The following SPAST variants were observed in gnomAD, a reference collection of about 807,000 sequenced individuals.
SPAST encodes spastic paraplegia 4 (autosomal dominant; spastin).
Under a neutral mutation model 76.6 loss-of-function variants are expected in SPAST, and 30 were observed. That is an observed-to-expected ratio of 0.39 (90% CI 0.29 to 0.53). SPAST has a LOEUF of 0.53. Among genes scored for constraint, SPAST ranks in the 20% least tolerant of loss-of-function variants. The pLI is 0.68. For missense variants in SPAST, 717 were observed against 770.5 expected, an observed-to-expected ratio of 0.93 and a Z score of 0.82; for synonymous variants, 305 against 281.0, an observed-to-expected ratio of 1.09 and a Z score of -0.86.
chr2:32,091,115 T>A (rs1677696977), intron 3 of SPAST, among the ~76,000 whole-genome samples: 1 of 152,014 alleles, frequency 6.6e-6, no homozygotes, highest in Non-Finnish European at 1.5e-5. Flanking sequence ...TGAGTGGCTC[T>A]ACCATACGTT....
At chr2:32,102,867 T>G (rs1418479507) in intron 4 of SPAST, among the ~76,000 whole-genome samples, 2 of 152,220 alleles carry the variant, frequency 1.3e-5, no homozygotes, top group African/African-American at 4.8e-5. Flanking sequence ...CTGGATTCGG[T>G]TTGCCAGTAT....
intron 9 of SPAST, among the ~76,000 whole-genome samples, chr2:32,132,445 TTCTA>T (rs1679400885): frequency 1.3e-5 from 2 of 152,088 alleles, no homozygotes; most frequent in Admixed American, 6.6e-5. Flanking sequence ...ATTTTGTCAG[TTCTA>T]TCTAATACAA....
intron 1 of SPAST, among the ~76,000 whole-genome samples, chr2:32,067,164 C>T (rs1676554507): frequency 6.6e-6 from 1 of 152,048 alleles, no homozygotes. Context: ...CGGATTCAAG[C>T]GATTCTCCTG....
intron 7 of SPAST, among the ~76,000 whole-genome samples, chr2:32,125,477 C>T (rs932627894): frequency 4.6e-5 from 7 of 152,206 alleles, no homozygotes; most frequent in African/African-American, 1.7e-4. Context: ...CCCGCCTCGG[C>T]CTCCCAAAGT....
At chr2:32,064,284 GAAGAA>G in intron 1 of SPAST, 38 bp downstream of exon 1, 10 of 588,928 alleles carry the variant, frequency 1.7e-5, no homozygotes, top group East Asian at 5.4e-5. Context: ...GCGGCGCCGG[GAAGAA>G]GGCGGTGGGG....
At chr2:32,138,737 G>C (rs140771666) in intron 12 of SPAST, among the ~76,000 whole-genome samples, 6 of 152,192 alleles carry the variant, frequency 3.9e-5, no homozygotes, top group Non-Finnish European at 8.8e-5. Context: ...TTCTTTCTGA[G>C]GCTGATGTCA....
chr2:32,111,616 T>C (rs534071396), intron 4 of SPAST, among the ~76,000 whole-genome samples: 1 of 151,430 alleles, frequency 6.6e-6, no homozygotes, highest in Non-Finnish European at 1.5e-5. Flanking sequence ...CCACAGGTTT[T>C]CTGATCTTTT....
intron 15 of SPAST, among the ~76,000 whole-genome samples, chr2:32,145,611 T>A (rs1255498877): frequency 6.6e-6 from 1 of 152,156 alleles, no homozygotes; most frequent in East Asian, 1.9e-4. Context: ...GAAATTAATG[T>A]GTCTAAAGGA....
At chr2:32,146,849 C>G (rs1469245035) in intron 15 of SPAST, among the ~76,000 whole-genome samples, 1 of 68,180 alleles carries the variant, frequency 1.5e-5, no homozygotes, top group Non-Finnish European at 2.7e-5. Flanking sequence ...AAGACTCTGT[C>G]TCAAAAAAAA....
intron 1 of SPAST, among the ~76,000 whole-genome samples, chr2:32,079,402 T>G (rs768461822): frequency 6.6e-6 from 1 of 151,280 alleles, no homozygotes; most frequent in Non-Finnish European, 1.5e-5. Context: ...TCCCAGCTAT[T>G]CAAGAGGCTG....
At chr2:32,100,665 G>A (rs545147446) in intron 4 of SPAST, among the ~76,000 whole-genome samples, 1 of 152,032 alleles carries the variant, frequency 6.6e-6, no homozygotes. Context: ...CTGTGTCCAA[G>A]TGTTCTCATT....
intron 1 of SPAST, among the ~76,000 whole-genome samples, chr2:32,066,978 AAAAAAAAAAAAAAACC>A (rs1354003189): frequency 2.7e-4 from 28 of 105,258 alleles, no homozygotes; most frequent in African/African-American, 7.4e-4. Context: ...GTCTCAAAAA[AAAAAAAAAAAAAAACC>A]AAAAAAAAAA....
chr2:32,124,749 A>C (rs1679136816), intron 7 of SPAST, among the ~76,000 whole-genome samples: 1 of 152,222 alleles, frequency 6.6e-6, no homozygotes, highest in East Asian at 1.9e-4. Context: ...AAATATATGG[A>C]GGAACCATAA....
intron 16 of SPAST, among the ~76,000 whole-genome samples, chr2:32,153,535 C>A (rs2280973): frequency 0.46 from 69,597 of 151,132 alleles, 16,230 homozygotes; most frequent in Admixed American, 0.49. Context: ...AGGCTGGTCT[C>A]GAACTGCTGA....
At chr2:32,105,723 C>G (rs1470851256) in intron 4 of SPAST, among the ~76,000 whole-genome samples, 1 of 152,190 alleles carries the variant, frequency 6.6e-6, no homozygotes, top group Non-Finnish European at 1.5e-5. Context: ...TGCTGGAGGT[C>G]CACTCCAGAC....
At chr2:32,147,170 A>G (rs778749960) in intron 15 of SPAST, 48 bp from the exon 16 acceptor site, 26 of 1,404,820 alleles carry the variant, frequency 1.9e-5, no homozygotes, top group Middle Eastern at 1.8e-4. Flanking sequence ...AACAATTTCA[A>G]CTGCAAAATG....
At chr2:32,131,671 C>CTTTTT (rs541036416) in intron 9 of SPAST, among the ~76,000 whole-genome samples, 4 of 108,018 alleles carry the variant, frequency 3.7e-5, no homozygotes, top group Admixed American at 2.2e-4. Context: ...CAACCATTCT[C>CTTTTT]TTTTTTTTTT....
Position 32,139,875 on chromosome 2 carries a change from C to T in SPAST, c.1494-2029C>T, listed in dbSNP as rs576449396. 6.7e-5 allele frequency among the ~76,000 whole-genome samples: 10 copies of T among 149,666 alleles called. No individual in the cohort carries two copies. In the South Asian group the frequency reaches 1.7e-3, roughly 25 times the overall value. On this transcript the variant is annotated intron_variant, in intron 12 of 16. Transcript: ENST00000315285. ...AGAAAAAAAAAAAGACAATGGAGTACCTAGGAATACGGCTGATGAAGGAGG... is the reference window on the plus strand; with the variant it reads ...AGAAAAAAAAAAAGACAATGGAGTATCTAGGAATACGGCTGATGAAGGAGG...
At chr2:32,116,250 C>A in intron 7 of SPAST, 38 bp downstream of exon 7, 1 of 1,295,520 alleles carries the variant, frequency 7.7e-7, no homozygotes. Context: ...ATAATACCAT[C>A]TGTTACTGAA....
Sources: allele counts gnomAD v4.1 joint callset (sites outside exome capture counted in the v4.1 genomes callset), GRCh38; gene constraint gnomAD v4.1.1; transcripts MANE v1.5; gene names NCBI Gene and HGNC (gene_info 2026-07-23, HGNC 2026-07-21).